Variants in PARG observed in about 807,000 individuals in gnomAD.
The protein encoded by PARG is mitochondrial poly(ADP-ribose) glycohydrolase.
A neutral mutation model predicts 113.0 loss-of-function variants in PARG; 35 were observed. That is an observed-to-expected ratio of 0.31 (90% CI 0.24 to 0.41). The LOEUF (loss-of-function observed/expected upper bound fraction) is 0.41. Ranked by LOEUF, PARG falls within the 10% of genes least tolerant of loss-of-function variation. PARG has a pLI of 1.00. For missense variants in PARG, 797 were observed against 1,169.4 expected, an observed-to-expected ratio of 0.68 and a Z score of 4.64; for synonymous variants, 330 against 409.9, an observed-to-expected ratio of 0.81 and a Z score of 2.36.
chr10:49,929,825 T>TC (rs1204049796), intron 4 of PARG, among the ~76,000 whole-genome samples: 2 of 105,428 alleles, frequency 1.9e-5, no homozygotes, highest in Non-Finnish European at 4.0e-5. Context: ...AAAAACTCCA[T>TC]CAAAAAAAAA....
intron 15 of PARG, among the ~76,000 whole-genome samples, chr10:49,839,238 G>A (rs1390300349): frequency 3.3e-5 from 5 of 151,874 alleles, no homozygotes; most frequent in Admixed American, 3.3e-4. Flanking sequence ...TTGGGAGGCT[G>A]AAGCAGGAGA....
intron 14 of PARG, among the ~76,000 whole-genome samples, chr10:49,842,424 C>T (rs1353189837): frequency 6.6e-6 from 1 of 152,184 alleles, no homozygotes; most frequent in Non-Finnish European, 1.5e-5. Context: ...TGCATCCTGA[C>T]AAAGCTCATT....
At chr10:49,882,560 G>A (rs1462678742) in intron 8 of PARG, among the ~76,000 whole-genome samples, 2 of 152,140 alleles carry the variant, frequency 1.3e-5, no homozygotes, top group African/African-American at 2.4e-5. Context: ...GGACTCAGGG[G>A]TCTGATTTTG....
In PARG at chr10:49,837,397, T is replaced by TAC. The variant is rs3048454; in HGVS notation, c.2542-4491_2542-4490dup. On this transcript the variant is annotated intron_variant, in intron 15 of 17. Transcript: ENST00000616448. ...CTCCTTTCTCTCTGGCATGCATATA[T>TAC]ACACACACACACACACACACAAGCA... Among the ~76,000 whole-genome samples the TAC allele has an allele frequency of 7.8e-3, 1,154 of 148,070 alleles. 18 individuals are homozygous for TAC. The highest frequency in any genetic ancestry group is 0.038 in the Middle Eastern group (11 of 290).
intron 8 of PARG, among the ~76,000 whole-genome samples, chr10:49,883,797 G>C (rs1322647350): frequency 7.3e-6 from 1 of 137,770 alleles, no homozygotes; most frequent in Non-Finnish European, 1.6e-5. Flanking sequence ...ATGAAATTCA[G>C]TCTCAAAAAG....
Position 49,859,761 on chromosome 10 carries a change from G to A in PARG, c.2205+1827C>T, listed in dbSNP as rs1335976748. The stretch of plus-strand genomic sequence containing the variant: ...CCCACATTTTTAACTTGAAAGGTGT[G>A]CACAGAAATAAAGACACTAAACTCA... On this transcript the variant is annotated intron_variant, in intron 12 of 17. Coordinates refer to ENST00000616448, the MANE Select transcript of PARG (RefSeq NM_003631.5). 4.6e-5 allele frequency among the ~76,000 whole-genome samples: 7 copies of A among 152,336 alleles called. No individual in the cohort carries two copies. In the East Asian group the frequency reaches 5.8e-4, roughly 13 times the overall value.
intron 7 of PARG, among the ~76,000 whole-genome samples, chr10:49,888,644 A>AT (rs1176939312): frequency 5.3e-5 from 8 of 151,874 alleles, no homozygotes; most frequent in Admixed American, 4.6e-4. Flanking sequence ...TGCTTTCAAG[A>AT]TTTTTTCTTT....
intron 9 of PARG, among the ~76,000 whole-genome samples, chr10:49,876,670 A>G (rs1554838414): frequency 6.6e-6 from 1 of 152,166 alleles, no homozygotes. Context: ...GCCATGTGGA[A>G]AAGAGAAGGG....
intron 14 of PARG, among the ~76,000 whole-genome samples, chr10:49,843,152 C>T (rs2132452809): frequency 6.6e-6 from 1 of 152,326 alleles, no homozygotes; most frequent in East Asian, 1.9e-4. Context: ...ACTGTCGCAA[C>T]ATAGGTTTCC....
chr10:49,892,962 T>C (rs570015194), intron 7 of PARG, among the ~76,000 whole-genome samples: 7 of 152,316 alleles, frequency 4.6e-5, no homozygotes, highest in Non-Finnish European at 1.0e-4. Flanking sequence ...CATCCACAAT[T>C]TGTTTATTCA....
rs1209797594 is a variant in PARG at position 49,932,240 on chromosome 10, T to C, written c.1315A>G (p.Ile439Val). The change falls in exon 4 of 18, where the codon ATC becomes GTC. Residue 439 changes from isoleucine to valine, a missense_variant. Ile to Val is a conservative substitution (Grantham distance 29, BLOSUM62 3). This residue lies in a region of PARG where 252 missense variants were observed against 437.4 expected (regional missense o/e 0.58). Coordinates refer to ENST00000616448, the MANE Select transcript of PARG (RefSeq NM_003631.5). ...AGGTGAGGTGGAACGTATTTAGGGA[T>C]CTTCCTTTCTGTTCTTTGATGTTTG... ...ETKHQRTERK[I>V]PKYVPPHLSP... 81 of 1,597,404 alleles carry C rather than the reference T, an allele frequency of 5.1e-5. 1 individual carries two copies. In the Admixed American group the frequency reaches 1.3e-3, roughly 27 times the overall value.
rs1327156448 is a variant in PARG, at chr10:49,933,102, C to T, written c.1271+75G>A. Reference sequence around the variant, plus strand: ...CATTTCTTTGCTTTACTAGAAATCACAGCTTCGTTAAACTCCCTTACAAAA... The same window carrying T: ...CATTTCTTTGCTTTACTAGAAATCATAGCTTCGTTAAACTCCCTTACAAAA... On this transcript the variant is annotated intron_variant, in intron 3 of 17. Coordinates refer to ENST00000616448, the MANE Select transcript of PARG (RefSeq NM_003631.5). 4.5e-6 allele frequency: 5 copies of T among 1,107,028 alleles called. No individual in the cohort carries two copies. In the Admixed American group the frequency reaches 6.6e-5, roughly 15 times the overall value. 68.6% of individuals were successfully genotyped at this position (1,107,028 alleles called of 1,614,324 possible). A position where few individuals can be genotyped will look rare whatever the true frequency, so the allele number is the denominator to read the frequency against.
chr10:49,820,769 T>A (rs1164108026), intron 16 of PARG, among the ~76,000 whole-genome samples: 1 of 150,862 alleles, frequency 6.6e-6, no homozygotes, highest in Admixed American at 6.6e-5. Flanking sequence ...ACATAAATCA[T>A]CTAGTTGTGT....
chr10:49,841,956 C>T lies in PARG; in HGVS notation c.2535G>A (p.Leu845=). 2 of 1,543,132 alleles carry T rather than the reference C, an allele frequency of 1.3e-6. No homozygotes were observed. The highest frequency in any genetic ancestry group is 1.4e-5 in the African/African-American group (1 of 73,088). The change falls in exon 15 of 18, where the codon CTG becomes CTA. Residue 845 remains leucine (L), a synonymous_variant. Coordinates refer to ENST00000616448, the MANE Select transcript of PARG (RefSeq NM_003631.5). The stretch of plus-strand genomic sequence containing the variant: ...AAGAAATAAGGTTACTGGCCTTGTT[C>T]AGCTCGCGTCTCATTTTCTCAGGCA... ...QFVPEKMRRE[L]NKAYCGFLRP... is the part of the protein sequence containing the mutation.
At chr10:49,841,905 A>G (rs528255725) in intron 15 of PARG, 45 bp downstream of exon 15, 1 of 1,229,276 alleles carries the variant, frequency 8.1e-7, no homozygotes, top group African/African-American at 1.5e-5. Flanking sequence ...AATGGCAGTA[A>G]ATAGATGACA....
chr10:49,852,908 T>C, intron 13 of PARG, among the ~76,000 whole-genome samples: 1 of 151,116 alleles, frequency 6.6e-6, no homozygotes, highest in Middle Eastern at 3.2e-3. Flanking sequence ...ATGAAACAAG[T>C]TAGCTTTAAG....
At chr10:49,920,757 G>A (rs4463775) in intron 6 of PARG, among the ~76,000 whole-genome samples, 44,203 of 150,884 alleles carry the variant, frequency 0.29, 6,579 homozygotes, top group Non-Finnish European at 0.32. Context: ...CCATTTAAAG[G>A]GTTTGCTTTT....
At chr10:49,907,669 G>C (rs1295873259) in intron 7 of PARG, among the ~76,000 whole-genome samples, 1 of 152,086 alleles carries the variant, frequency 6.6e-6, no homozygotes, top group African/African-American at 2.4e-5. Flanking sequence ...AAGGACTATA[G>C]AATTTATTTT....
chr10:49,824,227 G>A (rs1039115013), intron 16 of PARG, among the ~76,000 whole-genome samples: 1 of 152,100 alleles, frequency 6.6e-6, no homozygotes, highest in Non-Finnish European at 1.5e-5. Context: ...AGATACATCA[G>A]TAAACACTGA....
Sources: allele counts gnomAD v4.1 joint callset (sites outside exome capture counted in the v4.1 genomes callset), GRCh38; gene constraint gnomAD v4.1.1; regional missense constraint gnomAD v4.1.1; transcripts MANE v1.5; gene names NCBI Gene and HGNC (gene_info 2026-07-23, HGNC 2026-07-21).